Variants in ASCC1 observed in about 807,000 individuals in gnomAD.
ASCC1 encodes ASC-1 complex subunit P50.
A neutral mutation model predicts 46.6 loss-of-function variants in ASCC1; 35 were observed. The ratio of observed to expected loss-of-function variants is 0.75; its 90% CI spans 0.57 to 0.99. The LOEUF (loss-of-function observed/expected upper bound fraction) is 0.99, where lower values mean the gene tolerates loss of function less well. Among genes scored for constraint, ASCC1 ranks in the 50% least tolerant of loss-of-function variants. The pLI is 0.00. For missense variants in ASCC1, 376 were observed against 428.7 expected (o/e 0.88, Z 1.09); for synonymous variants, 143 against 146.6 (o/e 0.98, Z 0.18).
chr10:72,214,787 CCAAA>C (rs766888584), intron 1 of ASCC1, among the ~76,000 whole-genome samples: 25 of 151,412 alleles, frequency 1.7e-4, no homozygotes, highest in African/African-American at 2.4e-4. Context: ...GAAATTCATA[CCAAA>C]CAATCAGTTC....
chr10:72,161,149 G>A (rs751897119), intron 6 of ASCC1, among the ~76,000 whole-genome samples: 3 of 150,088 alleles, frequency 2.0e-5, no homozygotes, highest in Non-Finnish European at 3.0e-5. Flanking sequence ...CTAGAGAATC[G>A]TGTTATAATG....
chr10:72,149,833 TGGTTTTTAAGGTA>T (rs1848115848), intron 7 of ASCC1, among the ~76,000 whole-genome samples: 1 of 152,192 alleles, frequency 6.6e-6, no homozygotes, highest in South Asian at 2.1e-4. Context: ...AATGTGCTCC[TGGTTTTTAAGGTA>T]GGTCATTAGT....
At chr10:72,206,574 TAAGC>T (rs947922492) in intron 3 of ASCC1, among the ~76,000 whole-genome samples, 2 of 152,182 alleles carry the variant, frequency 1.3e-5, no homozygotes, top group African/African-American at 4.8e-5. Flanking sequence ...GTTAGTAGAT[TAAGC>T]ATACCGGGAG....
chr10:72,107,310 C>G (rs1407768884), intron 9 of ASCC1, among the ~76,000 whole-genome samples: 1 of 148,224 alleles, frequency 6.7e-6, no homozygotes, highest in Non-Finnish European at 1.5e-5. Flanking sequence ...TTACCCCCCC[C>G]CCAAAAAAAT....
At position 72,096,539 on chromosome 10, in the gene ASCC1, A is replaced by C; in HGVS notation, c.*795T>G. 1 of 454,148 alleles carries C rather than the reference A, an allele frequency of 2.2e-6. No individual in the cohort carries two copies. The highest frequency in any genetic ancestry group is 4.4e-6 in the Non-Finnish European group (1 of 226,796). The allele number at this position is 454,148 out of a possible 1,614,324, so 28.1% of individuals were successfully genotyped here. On this transcript the variant is annotated 3_prime_UTR_variant, in exon 10 of 10. Transcript: ENST00000672957. ...AGCAAAGTAAAAGGCAAACAACTTT[A>C]ATGGTTATTTTGCTAAAGATAAAAC... is the stretch of plus-strand genomic sequence containing the variant.
intron 7 of ASCC1, among the ~76,000 whole-genome samples, chr10:72,146,596 T>C (rs1044215303): frequency 2.0e-5 from 3 of 152,146 alleles, no homozygotes; most frequent in Non-Finnish European, 4.4e-5. Flanking sequence ...CAAAACAGAA[T>C]AGCCACAGTG....
At chr10:72,144,485 T>C (rs894622053) in intron 7 of ASCC1, among the ~76,000 whole-genome samples, 5 of 152,200 alleles carry the variant, frequency 3.3e-5, no homozygotes, top group Non-Finnish European at 7.3e-5. Context: ...TTGTAATTAT[T>C]ATATGTCTGG....
intron 7 of ASCC1, chr10:72,134,515 C>G (rs944290859): frequency 6.6e-6 from 1 of 152,320 alleles, no homozygotes; most frequent in Non-Finnish European, 1.5e-5. Context: ...TCCTTCCTGA[C>G]CCATGTGGCC....
intron 3 of ASCC1, chr10:72,204,337 C>T (rs1033974888): frequency 2.6e-6 from 4 of 1,513,956 alleles, no homozygotes; most frequent in African/African-American, 2.8e-5. Flanking sequence ...AGCCAACTCT[C>T]GACTACCCCA....
chr10:72,165,010 G>C (rs1334514380), intron 5 of ASCC1, among the ~76,000 whole-genome samples: 1 of 152,078 alleles, frequency 6.6e-6, no homozygotes, highest in Non-Finnish European at 1.5e-5. Context: ...ATAAATTATT[G>C]ATAGTATACC....
chr10:72,124,221 T>C (rs1376532207), intron 9 of ASCC1, among the ~76,000 whole-genome samples: 1 of 152,198 alleles, frequency 6.6e-6, no homozygotes, highest in African/African-American at 2.4e-5. Context: ...CAGTCTCTTC[T>C]TTCTCTAAAT....
chr10:72,173,695 A>T (rs1443280866), intron 5 of ASCC1, among the ~76,000 whole-genome samples: 4 of 152,196 alleles, frequency 2.6e-5, no homozygotes, highest in Non-Finnish European at 5.9e-5. Context: ...TTGGAACCAA[A>T]CAACCTTCAA....
chr10:72,101,168 C>T (rs1364851392), intron 9 of ASCC1, among the ~76,000 whole-genome samples: 1 of 152,158 alleles, frequency 6.6e-6, no homozygotes, highest in Non-Finnish European at 1.5e-5. Flanking sequence ...CTTACCATCT[C>T]GTTAGGGAGA....
intron 5 of ASCC1, among the ~76,000 whole-genome samples, chr10:72,178,468 G>A (rs1852139827): frequency 6.6e-6 from 1 of 152,218 alleles, no homozygotes; most frequent in Non-Finnish European, 1.5e-5. Context: ...GACACAAGAA[G>A]GATTTGGTGA....
chr10:72,121,034 C>T (rs1371796940), intron 9 of ASCC1, among the ~76,000 whole-genome samples: 3 of 152,182 alleles, frequency 2.0e-5, no homozygotes, highest in Admixed American at 2.0e-4. Flanking sequence ...TCAATAATCA[C>T]TTTAAACATC....
In ASCC1 at chr10:72,158,863, A is replaced by AT. The variant is rs1184706700; in HGVS notation, c.626+2674dup. 1.3e-4 allele frequency: 20 copies of AT among 152,302 alleles called. 1 individual carries two copies. Among genetic ancestry groups the AT allele is most frequent in the African/African-American group, 4.6e-4 (19 of 41,574 alleles). The allele number at this position is 152,302 out of a possible 1,614,324, so 9.4% of individuals were successfully genotyped here. On this transcript the variant is annotated intron_variant, in intron 6 of 9. Coordinates refer to ENST00000672957, the MANE Select transcript of ASCC1 (RefSeq NM_001198800.3). ...GTTAGAAATGCCATTATTTATGGACATTTTTTCTAAGTACACCAAGCACAA... is the reference window on the plus strand; with the variant it reads ...GTTAGAAATGCCATTATTTATGGACATTTTTTTCTAAGTACACCAAGCACAA...
At chr10:72,132,030 G>A (rs568873013) in intron 8 of ASCC1, among the ~76,000 whole-genome samples, 29 of 151,986 alleles carry the variant, frequency 1.9e-4, no homozygotes, top group African/African-American at 5.6e-4. Context: ...CACCACACCC[G>A]GCTAATTTTT....
At chr10:72,148,124 G>T (rs957186536) in intron 7 of ASCC1, among the ~76,000 whole-genome samples, 3 of 151,848 alleles carry the variant, frequency 2.0e-5, no homozygotes, top group Non-Finnish European at 2.9e-5. Context: ...TATATTTACA[G>T]GTTTTTTTTA....
At chr10:72,142,739 CTGG>C (rs1223895718) in intron 7 of ASCC1, among the ~76,000 whole-genome samples, 1 of 152,130 alleles carries the variant, frequency 6.6e-6, no homozygotes, top group Non-Finnish European at 1.5e-5. Flanking sequence ...TGCTTCTCAG[CTGG>C]ACTAGAGTAA....
Sources: gnomAD v4.1 joint callset for allele counts (sites outside exome capture counted in the v4.1 genomes callset) on GRCh38, gnomAD v4.1.1 for gene constraint, MANE v1.5 for transcripts, NCBI Gene and HGNC (gene_info 2026-07-23, HGNC 2026-07-21) for gene names.